COG6: variants seen among roughly 807,000 people sequenced by gnomAD.
The protein encoded by COG6 is conserved oligomeric Golgi complex subunit 6.
In COG6, 74 loss-of-function variants were observed where a neutral mutation model predicts 88.8. The ratio of observed to expected loss-of-function variants is 0.83; its 90% CI spans 0.69 to 1.01. COG6 has a LOEUF of 1.01. Among genes scored for constraint, COG6 ranks in the 50% least tolerant of loss-of-function variants. The pLI is 0.00. For synonymous variants in COG6, 286 were observed against 278.7 expected (o/e 1.03, Z -0.26); for missense variants, 800 against 797.9 (o/e 1.00, Z -0.03).
chr13:39,719,033 C>G (rs1055150734), intron 13 of COG6, among the ~76,000 whole-genome samples: 1 of 152,084 alleles, frequency 6.6e-6, no homozygotes, highest in Non-Finnish European at 1.5e-5. Flanking sequence ...GTGACATATT[C>G]TGAGATAATC....
chr13:39,777,306 C>T (rs116914937), intron 18 of COG6, among the ~76,000 whole-genome samples: 2,156 of 152,114 alleles, frequency 0.014, 25 homozygotes, highest in Middle Eastern at 0.021. Context: ...GAGCAAGGAA[C>T]GAGGGCAGAG....
At chr13:39,788,348 G>A (rs1881837123) in exon 19 of COG6, 4 of 1,551,630 alleles carry the variant, frequency 2.6e-6, no homozygotes, top group Admixed American at 2.0e-5. Context: ...TCCACCCAAC[G>A]GCCCATGATC....
At position 39,728,716 on chromosome 13, in the gene COG6, C is replaced by A. The variant is rs140892097; in HGVS notation, c.1826+1168C>A. On this transcript the variant is annotated intron_variant, in intron 18 of 18. Coordinates refer to ENST00000455146, the MANE Select transcript of COG6 (RefSeq NM_020751.3). The stretch of plus-strand genomic sequence containing the variant: ...ACGGCGTCTTGCTCTTTCTCCCAGG[C>A]TAGAGTGCAGTGATCTTGGCTCAGT... 4.6e-5 allele frequency among the ~76,000 whole-genome samples: 7 copies of A among 151,762 alleles called. No individual in the cohort carries two copies. In the East Asian group the frequency reaches 1.4e-3, roughly 29 times the overall value.
chr13:39,685,678 A>C (rs1876594791), intron 8 of COG6, among the ~76,000 whole-genome samples: 1 of 152,184 alleles, frequency 6.6e-6, no homozygotes, highest in South Asian at 2.1e-4. Context: ...AGCAGTCATA[A>C]GTTCATTATT....
intron 18 of COG6, among the ~76,000 whole-genome samples, chr13:39,736,562 A>G (rs1008299148): frequency 6.6e-6 from 1 of 151,678 alleles, no homozygotes; most frequent in Non-Finnish European, 1.5e-5. Context: ...ATAGTGGTGC[A>G]TGCCTGTAAT....
At chr13:39,748,397 C>T (rs1025066220) in intron 18 of COG6, among the ~76,000 whole-genome samples, 2 of 151,990 alleles carry the variant, frequency 1.3e-5, no homozygotes, top group African/African-American at 4.8e-5. Flanking sequence ...GGCGGATCAC[C>T]TGAGGTCAGG....
At chr13:39,739,918 G>C (rs1199483856) in intron 18 of COG6, among the ~76,000 whole-genome samples, 1 of 152,064 alleles carries the variant, frequency 6.6e-6, no homozygotes, top group Non-Finnish European at 1.5e-5. Context: ...TACTTGGCCA[G>C]ATTCAAAATT....
intron 13 of COG6, among the ~76,000 whole-genome samples, chr13:39,703,848 TTCCAAGTAGCTGGGACTATAG>T (rs775604655): frequency 6.6e-6 from 1 of 152,088 alleles, no homozygotes; most frequent in Non-Finnish European, 1.5e-5. Flanking sequence ...TGCCTCAGCC[TTCCAAGTAGCTGGGACTATAG>T]GTGCATGCCA....
At chr13:39,715,487 C>T (rs1246718084) in intron 13 of COG6, among the ~76,000 whole-genome samples, 5 of 151,878 alleles carry the variant, frequency 3.3e-5, no homozygotes, top group Admixed American at 1.3e-4. Flanking sequence ...CGTGTTTGCT[C>T]TGGTTTCTAT....
downstream of COG6, among the ~76,000 whole-genome samples, chr13:39,753,342 T>C (rs1312925786): frequency 3.3e-5 from 5 of 152,190 alleles, no homozygotes; most frequent in Non-Finnish European, 5.9e-5. Context: ...GGTGCCTTGA[T>C]TTTGGGCTTC....
intron 13 of COG6, among the ~76,000 whole-genome samples, chr13:39,711,947 C>T (rs1878264319): frequency 6.6e-6 from 1 of 152,174 alleles, no homozygotes; most frequent in Admixed American, 6.5e-5. Flanking sequence ...ACAACCTCCA[C>T]CTCCTGGGTT....
intron 4 of COG6, among the ~76,000 whole-genome samples, chr13:39,672,099 CTTACTT>C (rs1274238104): frequency 1.3e-5 from 2 of 152,018 alleles, no homozygotes; most frequent in East Asian, 3.9e-4. Flanking sequence ...ATTTGAGACT[CTTACTT>C]TATAAGAGTA....
At chr13:39,656,109 C>T in intron 1 of COG6, 1 of 676,030 alleles carries the variant, frequency 1.5e-6, no homozygotes. Context: ...TTCTCTCCAC[C>T]TGAAAAGGTG....
Position 39,751,491 on chromosome 13 carries a change from C to T in COG6, c.*398C>T. 1 of 1,259,814 alleles carries T rather than the reference C, an allele frequency of 7.9e-7. No homozygotes were observed. The highest frequency in any genetic ancestry group is 1.2e-5 in the South Asian group (1 of 80,312). The allele number at this position is 1,259,814 out of a possible 1,614,324, so 78.0% of individuals were successfully genotyped here. ...TATAAGGATATGACCTAATAAATGTCTCCTTACCTAAAGATTCATTTGCTT... is the reference window on the plus strand; with the variant it reads ...TATAAGGATATGACCTAATAAATGTTTCCTTACCTAAAGATTCATTTGCTT... On this transcript the variant is annotated 3_prime_UTR_variant, in exon 19 of 19. Coordinates refer to ENST00000455146, the MANE Select transcript of COG6 (RefSeq NM_020751.3).
intron 18 of COG6, among the ~76,000 whole-genome samples, chr13:39,782,630 C>T (rs1350092415): frequency 1.3e-5 from 2 of 152,158 alleles, no homozygotes; most frequent in Non-Finnish European, 2.9e-5. Flanking sequence ...ATGAGAGCTA[C>T]ACCTGTCCTT....
chr13:39,691,155 AAG>A (rs1457308377), intron 11 of COG6, among the ~76,000 whole-genome samples: 1 of 151,776 alleles, frequency 6.6e-6, no homozygotes, highest in African/African-American at 2.4e-5. Context: ...TCTTTTTAAA[AAG>A]TAATTTTATA....
At chr13:39,688,692 T>C (rs1050036097) in intron 10 of COG6, among the ~76,000 whole-genome samples, 1 of 152,206 alleles carries the variant, frequency 6.6e-6, no homozygotes, top group Non-Finnish European at 1.5e-5. Flanking sequence ...ATGTACTAAA[T>C]GTACTTAAAA....
rs1229752725 is a variant in COG6 at position 39,751,076 on chromosome 13, C to G, written c.1957C>G (p.Gln653Glu). ...NILHRSPQQV[Q>E]TLLS is the part of the protein sequence containing the mutation. ...TCTTCACCGATCGCCGCAGCAAGTGCAGACGCTTCTTTCCTGATTATCTTA... is the reference window on the plus strand; with the variant it reads ...TCTTCACCGATCGCCGCAGCAAGTGGAGACGCTTCTTTCCTGATTATCTTA... Residue 653 changes from glutamine to glutamate, a missense_variant, in exon 19 of 19, where the codon CAG becomes GAG. Transcript: ENST00000455146. The G allele has an allele frequency of 1.9e-6, 3 of 1,613,534 alleles. No homozygotes were observed. In the African/African-American group the frequency reaches 4.0e-5, roughly 22 times the overall value.
intron 14 of COG6, 108 bp from the exon 15 acceptor site, chr13:39,719,552 G>A: frequency 1.6e-6 from 2 of 1,221,044 alleles, no homozygotes; most frequent in South Asian, 1.2e-5. Context: ...TTTCCTACGT[G>A]CTTCTATAAA....
Sources: gnomAD v4.1 joint callset for allele counts (sites outside exome capture counted in the v4.1 genomes callset) on GRCh38, gnomAD v4.1.1 for gene constraint, MANE v1.5 for transcripts, NCBI Gene and HGNC (gene_info 2026-07-23, HGNC 2026-07-21) for gene names.